The following GLG1 variants were observed in gnomAD, a reference collection of about 807,000 sequenced individuals.
GLG1 encodes Golgi apparatus protein 1.
A neutral mutation model predicts 160.5 loss-of-function variants in GLG1; 38 were observed. That is an observed-to-expected ratio of 0.24 (90% confidence interval 0.18 to 0.31). GLG1 has a LOEUF of 0.31. GLG1 is among the 10% of genes least tolerant of loss of function. The probability of loss-of-function intolerance (pLI) is 1.00; values close to 1 mark genes in which losing one functional copy is unlikely to be tolerated. For synonymous variants in GLG1, 644 were observed against 543.4 expected (o/e 1.19, Z -2.57); for missense variants, 1,373 against 1,505.2 (o/e 0.91, Z 1.45).
At chr16:74,480,650 G>A (rs1597248170) in intron 10 of GLG1, among the ~76,000 whole-genome samples, 1 of 151,248 alleles carries the variant, frequency 6.6e-6, no homozygotes, top group Non-Finnish European at 1.5e-5. Context: ...TCCGTCCCCC[G>A]GGGCTTGAAG....
chr16:74,554,458 C>T (rs963648602), intron 1 of GLG1, among the ~76,000 whole-genome samples: 1 of 152,180 alleles, frequency 6.6e-6, no homozygotes, highest in African/African-American at 2.4e-5. Context: ...CACTTCATCC[C>T]AGGAAGCAGA....
At chr16:74,528,926 G>A (rs1002432740) in intron 2 of GLG1, among the ~76,000 whole-genome samples, 11 of 150,336 alleles carry the variant, frequency 7.3e-5, no homozygotes, top group African/African-American at 2.7e-4. Flanking sequence ...AAAACATCTT[G>A]GCCATTATTT....
intron 1 of GLG1, among the ~76,000 whole-genome samples, chr16:74,597,579 C>T (rs575471973): frequency 2.9e-4 from 44 of 152,090 alleles, no homozygotes; most frequent in Admixed American, 2.3e-3. Flanking sequence ...ATTAGCCGGG[C>T]GCAGTGGCTC....
At chr16:74,466,662 A>T (rs973075323) in intron 18 of GLG1, among the ~76,000 whole-genome samples, 1 of 152,230 alleles carries the variant, frequency 6.6e-6, no homozygotes, top group Admixed American at 6.5e-5. Context: ...TCCTCAGAAC[A>T]ACACAGAAGA....
intron 22 of GLG1, 49 bp downstream of exon 22, chr16:74,462,045 A>T: frequency 1.1e-6 from 1 of 947,640 alleles, no homozygotes; most frequent in Non-Finnish European, 1.7e-6. Context: ...TCCAGTGGAA[A>T]CTTCTCTGAG....
intron 24 of GLG1, 42 bp from the exon 25 acceptor site, chr16:74,456,797 C>G (rs200080100): frequency 1.9e-4 from 225 of 1,181,632 alleles, no homozygotes; most frequent in Non-Finnish European, 2.7e-4. Flanking sequence ...TGAAACTGTA[C>G]AGAATAGAGA....
In GLG1 at chr16:74,560,493, T is replaced by A. The variant is rs2018482091; in HGVS notation, c.439-28340A>T. Among the ~76,000 whole-genome samples, 2 of 149,610 alleles carry A rather than the reference T, an allele frequency of 1.3e-5. 1 individual carries two copies. The highest frequency in any genetic ancestry group is 4.3e-4 in the South Asian group (2 of 4,676). ...CCCCCGCAGTAACTAGTAACTTGACTGCCATCAAGCCTAGCTAATTTTTGT... is the reference window on the plus strand; with the variant it reads ...CCCCCGCAGTAACTAGTAACTTGACAGCCATCAAGCCTAGCTAATTTTTGT... On this transcript the variant is annotated intron_variant, in intron 1 of 25. Transcript: ENST00000422840.
intron 1 of GLG1, among the ~76,000 whole-genome samples, chr16:74,566,216 T>C (rs564259859): frequency 6.6e-6 from 1 of 152,338 alleles, no homozygotes; most frequent in Admixed American, 6.5e-5. Context: ...TAGGCTACTC[T>C]TTGGAAGCAA....
intron 1 of GLG1, among the ~76,000 whole-genome samples, chr16:74,603,937 C>T (rs1325906125): frequency 6.6e-6 from 1 of 151,730 alleles, no homozygotes; most frequent in Non-Finnish European, 1.5e-5. Flanking sequence ...CATAGTGGAC[C>T]CATGATATAC....
intron 2 of GLG1, among the ~76,000 whole-genome samples, chr16:74,516,517 G>T (rs2016982943): frequency 6.6e-6 from 1 of 152,206 alleles, no homozygotes; most frequent in South Asian, 2.1e-4. Context: ...TGAGAACAAA[G>T]ACACAACACA....
At chr16:74,462,783 A>G in intron 20 of GLG1, 153 bp from the exon 21 acceptor site, 1 of 701,140 alleles carries the variant, frequency 1.4e-6, no homozygotes, top group Non-Finnish European at 2.5e-6. Context: ...AGCTCTCACT[A>G]CACTGTTTTT....
rs1219559962 is a variant in GLG1, at chr16:74,503,544, C to T, written c.761G>A (p.Arg254Gln). ...AGTATTAGATACCTTTTCTCCAAGC[C>T]GAATACTGCCACATTTCAGAATGTT... ...DINILKCGSI[R>Q]LGEKDAHSQG... Residue 254 changes from arginine (R) to glutamine (Q), a missense_variant, in exon 4 of 26, where the codon CGG (arginine) becomes CAG (glutamine). Coordinates refer to ENST00000422840, the MANE Select transcript of GLG1 (RefSeq NM_001145667.2). 6.2e-7 allele frequency: 1 copy of T among 1,610,264 alleles called. No homozygotes were observed. Among genetic ancestry groups the T allele is most frequent in the Non-Finnish European group, 8.5e-7 (1 of 1,176,596 alleles).
At chr16:74,454,832 TG>T (rs893063642) in intron 25 of GLG1, among the ~76,000 whole-genome samples, 1 of 150,964 alleles carries the variant, frequency 6.6e-6, no homozygotes, top group African/African-American at 2.4e-5. Context: ...GCACCCAGCC[TG>T]TATTTTGACT....
At chr16:74,496,303 G>A in intron 5 of GLG1, 138 bp downstream of exon 5, 1 of 619,174 alleles carries the variant, frequency 1.6e-6, no homozygotes, top group South Asian at 2.1e-5. Flanking sequence ...CACTGCTTCA[G>A]GTCAGAAGTT....
chr16:74,529,571 C>G (rs28588489), intron 2 of GLG1, among the ~76,000 whole-genome samples: 100,639 of 151,220 alleles, frequency 0.67, 33,640 homozygotes, highest in East Asian at 0.81. Flanking sequence ...GGATCTCTCT[C>G]TGTTGGCTAC....
In GLG1 at chr16:74,452,889, T is replaced by C. The variant is rs954006198; in HGVS notation, c.*278A>G. The C allele has an allele frequency of 1.5e-5, 17 of 1,124,414 alleles. No individual in the cohort carries two copies. Among genetic ancestry groups the C allele is most frequent in the South Asian group, 1.3e-4 (3 of 23,240 alleles). The allele number at this position is 1,124,414 out of a possible 1,614,324, so 69.7% of individuals were successfully genotyped here. Reference sequence around the variant, plus strand: ...GGTTCTGGAAGTACCGGAAGTTCTGTTGGTATGAGAGAGACTTGTCTACAG... The same window carrying C: ...GGTTCTGGAAGTACCGGAAGTTCTGCTGGTATGAGAGAGACTTGTCTACAG... On this transcript the variant is annotated 3_prime_UTR_variant, in exon 26 of 26. Transcript: ENST00000422840.
intron 2 of GLG1, among the ~76,000 whole-genome samples, chr16:74,512,390 A>C (rs1365359732): frequency 6.6e-6 from 1 of 151,548 alleles, no homozygotes; most frequent in Non-Finnish European, 1.5e-5. Context: ...CAGCCTCCGT[A>C]CTAGCTGGGA....
chr16:74,464,503 A>C (rs2014927672), intron 19 of GLG1, among the ~76,000 whole-genome samples: 1 of 152,216 alleles, frequency 6.6e-6, no homozygotes, highest in Non-Finnish European at 1.5e-5. Flanking sequence ...CAAGTGTCAC[A>C]GTGTCTGATA....
At chr16:74,491,890 G>A (rs560431949) in intron 7 of GLG1, among the ~76,000 whole-genome samples, 1 of 151,244 alleles carries the variant, frequency 6.6e-6, no homozygotes, top group Non-Finnish European at 1.5e-5. Flanking sequence ...GCCTCCCAAA[G>A]TGCTGGGATT....
Sources: gnomAD v4.1 joint callset for allele counts (sites outside exome capture counted in the v4.1 genomes callset) on GRCh38, gnomAD v4.1.1 for gene constraint, MANE v1.5 for transcripts, NCBI Gene and HGNC (gene_info 2026-07-23, HGNC 2026-07-21) for gene names.